SPTB: variants seen among roughly 807,000 people sequenced by gnomAD.
SPTB encodes spectrin beta, erythrocytic.
A neutral mutation model predicts 256.2 loss-of-function variants in SPTB; 45 were observed. That is an observed-to-expected ratio of 0.18 (90% CI 0.14 to 0.23). The LOEUF (loss-of-function observed/expected upper bound fraction) is 0.23, where lower values mean the gene tolerates loss of function less well. Ranked by LOEUF, SPTB falls within the 10% of genes least tolerant of loss-of-function variation. The probability of loss-of-function intolerance (pLI) is 1.00; values close to 1 mark genes in which losing one functional copy is unlikely to be tolerated. For missense variants in SPTB, 2,715 were observed against 3,040.4 expected, an observed-to-expected ratio of 0.89 and a Z score of 2.52; for synonymous variants, 1,231 against 1,243.1, an observed-to-expected ratio of 0.99 and a Z score of 0.21.
rs1882669059 is a variant in SPTB, at chr14:64,873,658, A to C, written c.-52+6134T>G. On this transcript the variant is annotated intron_variant, in intron 1 of 35. Coordinates refer to ENST00000644917, the MANE Select transcript of SPTB (RefSeq NM_001355436.2). The surrounding 1 kb of genome is among the most constrained non-coding windows in gnomAD (Gnocchi z 4.3). ...TCTTCTCTCCAGAACCAATGAACTTATGTGGAATATTCTGCTGAAGAAAAA... is the reference window on the plus strand; with the variant it reads ...TCTTCTCTCCAGAACCAATGAACTTCTGTGGAATATTCTGCTGAAGAAAAA... Among the ~76,000 whole-genome samples the C allele has an allele frequency of 6.6e-6, 1 of 152,098 alleles. No individual in the cohort carries two copies. Among genetic ancestry groups the C allele is most frequent in the Admixed American group, 6.5e-5 (1 of 15,272 alleles).
chr14:64,772,418 C>T lies in SPTB; in HGVS notation c.5553+162G>A, dbSNP rs977324991. ...AAGAATGACTTCTGAAGCTAAGGAA[C>T]ATCTGAAAGCCACTGCTCCCAGCCC... On this transcript the variant is annotated intron_variant, in intron 26 of 35. Coordinates refer to ENST00000644917, the MANE Select transcript of SPTB (RefSeq NM_001355436.2). The surrounding 1 kb of genome is among the most constrained non-coding windows in gnomAD (Gnocchi z 5.4). 2.6e-5 allele frequency among the ~76,000 whole-genome samples: 4 copies of T among 152,224 alleles called. No individual in the cohort carries two copies. The highest frequency in any genetic ancestry group is 4.8e-5 in the African/African-American group (2 of 41,466).
At chr14:64,769,447 G>A (rs2082244605) in intron 28 of SPTB, 143 bp downstream of exon 28, 2 of 1,174,560 alleles carry the variant, frequency 1.7e-6, no homozygotes, top group East Asian at 2.6e-5. Flanking sequence ...CCGGGCCTGT[G>A]TGTAGCCCCG....
intron 14 of SPTB, 85 bp from the exon 15 acceptor site, chr14:64,791,941 T>A: frequency 1.3e-6 from 2 of 1,568,278 alleles, no homozygotes; most frequent in East Asian, 4.5e-5. Context: ...CTCCAGAACA[T>A]GTAGCTCTTG....
At chr14:64,799,289 G>T (rs1302094060) in intron 9 of SPTB, among the ~76,000 whole-genome samples, 1 of 152,218 alleles carries the variant, frequency 6.6e-6, no homozygotes, top group Non-Finnish European at 1.5e-5. Context: ...AGGCTAAGTG[G>T]TCTGTTGCTG....
intron 33 of SPTB, among the ~76,000 whole-genome samples, chr14:64,752,636 T>G (rs1594737814): frequency 6.6e-6 from 1 of 152,216 alleles, no homozygotes; most frequent in African/African-American, 2.4e-5. Flanking sequence ...TGGCACATAG[T>G]AGATGCTCAG....
chr14:64,749,850 C>T lies in SPTB; in HGVS notation c.6776+131G>A. The T allele has an allele frequency of 6.7e-7, 1 of 1,494,186 alleles. No individual in the cohort carries two copies. The highest frequency in any genetic ancestry group is 9.3e-7 in the Non-Finnish European group (1 of 1,079,768). 92.6% of individuals were successfully genotyped at this position (1,494,186 alleles called of 1,614,324 possible). On this transcript the variant is annotated intron_variant, in intron 34 of 35. Coordinates refer to ENST00000644917, the MANE Select transcript of SPTB (RefSeq NM_001355436.2). The surrounding 1 kb of genome is among the most constrained non-coding windows in gnomAD (Gnocchi z 4.7). ...GAGAGGTCAAAGTCTGGACCATCAG[C>T]CTCTTTGATTTGAAAAACCCCTGAG...
In SPTB at chr14:64,795,775, T is replaced by C. The variant is rs1455115882; in HGVS notation, c.1342-136A>G. On this transcript the variant is annotated intron_variant, in intron 11 of 35. Coordinates refer to ENST00000644917, the MANE Select transcript of SPTB (RefSeq NM_001355436.2). This position sits in a 1 kb window ranked among gnomAD's most constrained non-coding sequence, Gnocchi z 6.5. The stretch of plus-strand genomic sequence containing the variant: ...TTCCCAAGAAGCAGCTAGTTCTGCC[T>C]TACTTTTGCAGCCTGTCTTATCAGA... 5.4e-6 allele frequency: 5 copies of C among 926,884 alleles called. No homozygotes were observed. The East Asian group carries it at 1.3e-4, about 24-fold the overall frequency. The allele number at this position is 926,884 out of a possible 1,614,324, so 57.4% of individuals were successfully genotyped here.
chr14:64,751,792 G>A (rs900378219), intron 33 of SPTB, among the ~76,000 whole-genome samples: 1 of 151,782 alleles, frequency 6.6e-6, no homozygotes, highest in African/African-American at 2.4e-5. Flanking sequence ...TTACAAATAG[G>A]GCTCATGTCG....
Position 64,827,918 on chromosome 14 carries a change from G to A in SPTB, c.-51-4773C>T, listed in dbSNP as rs1203250410. On this transcript the variant is annotated intron_variant, in intron 1 of 35. Transcript: ENST00000644917. This position sits in a 1 kb window ranked among gnomAD's most constrained non-coding sequence, Gnocchi z 4.6. ...GTAACGATGTGGCCCAGATAAGCAT[G>A]CCACCTATGGGTGACCTTTCCAGTC... Among the ~76,000 whole-genome samples, 1 of 152,148 alleles carries A rather than the reference G, an allele frequency of 6.6e-6. No individual in the cohort carries two copies. The highest frequency in any genetic ancestry group is 1.5e-5 in the Non-Finnish European group (1 of 68,036).
rs892046889 is a variant in SPTB at position 64,847,039 on chromosome 14, C to T, written c.-51-23894G>A. ...GTCGCCCACCCATACTGCCTCCATC[C>T]TCATGTTTCTCAACAGTCATAAAAG... On this transcript the variant is annotated intron_variant, in intron 1 of 35. Coordinates refer to ENST00000644917, the MANE Select transcript of SPTB (RefSeq NM_001355436.2). The surrounding 1 kb of genome is among the most constrained non-coding windows in gnomAD (Gnocchi z 5.9). Among the ~76,000 whole-genome samples, 6 of 152,174 alleles carry T rather than the reference C, an allele frequency of 3.9e-5. No individual in the cohort carries two copies. Among genetic ancestry groups the T allele is most frequent in the African/African-American group, 1.2e-4 (5 of 41,428 alleles).
Position 64,845,901 on chromosome 14 carries a change from A to G in SPTB, c.-51-22756T>C, listed in dbSNP as rs915047764. Reference sequence around the variant, plus strand: ...ATTTTGGGCCAATATTGACTTTCCAAAAAAAACCCGCTCTACATTTTATGC... The same window carrying G: ...ATTTTGGGCCAATATTGACTTTCCAGAAAAAACCCGCTCTACATTTTATGC... On this transcript the variant is annotated intron_variant, in intron 1 of 35. Transcript: ENST00000644917. The surrounding 1 kb of genome is among the most constrained non-coding windows in gnomAD (Gnocchi z 4.8). Among the ~76,000 whole-genome samples, 27 of 152,082 alleles carry G rather than the reference A, an allele frequency of 1.8e-4. No individual in the cohort carries two copies. The highest frequency in any genetic ancestry group is 6.5e-4 in the African/African-American group (27 of 41,362).
chr14:64,870,235 A>G (rs925713193), intron 1 of SPTB, among the ~76,000 whole-genome samples: 11 of 152,134 alleles, frequency 7.2e-5, no homozygotes, highest in Non-Finnish European at 1.5e-4. Flanking sequence ...TGTAAGTTTT[A>G]CAGAGGAATC....
intron 2 of SPTB, among the ~76,000 whole-genome samples, chr14:64,810,351 C>A (rs1594801600): frequency 6.6e-6 from 1 of 152,058 alleles, no homozygotes; most frequent in Non-Finnish European, 1.5e-5. Flanking sequence ...TCATGTGGGT[C>A]AAAAATTGAA....
Position 64,844,379 on chromosome 14 carries a change from C to T in SPTB, c.-51-21234G>A, listed in dbSNP as rs147826836. Among the ~76,000 whole-genome samples, 445 of 152,316 alleles carry T rather than the reference C, an allele frequency of 2.9e-3. 2 individuals are homozygous for T. The highest frequency in any genetic ancestry group is 9.2e-3 in the African/African-American group (383 of 41,560). ...TGTAGAATACCATCACCCCCAACAACGAAACAACCATGTTTAGTGAGTACT... is the reference window on the plus strand; with the variant it reads ...TGTAGAATACCATCACCCCCAACAATGAAACAACCATGTTTAGTGAGTACT... On this transcript the variant is annotated intron_variant, in intron 1 of 35. Coordinates refer to ENST00000644917, the MANE Select transcript of SPTB (RefSeq NM_001355436.2). This position sits in a 1 kb window ranked among gnomAD's most constrained non-coding sequence, Gnocchi z 4.1.
rs1390044347 is a variant in SPTB, at chr14:64,844,710, A to C, written c.-51-21565T>G. Among the ~76,000 whole-genome samples, 1 of 152,218 alleles carries C rather than the reference A, an allele frequency of 6.6e-6. No individual in the cohort carries two copies. The highest frequency in any genetic ancestry group is 1.5e-5 in the Non-Finnish European group (1 of 68,036). ...CATGAAGAAGAGGCTATGACTTCCC[A>C]AAAACACCTACTCTTTGCAAGTCAG... On this transcript the variant is annotated intron_variant, in intron 1 of 35. Transcript: ENST00000644917. The surrounding 1 kb of genome is among the most constrained non-coding windows in gnomAD (Gnocchi z 4.1).
chr14:64,757,648 G>C (rs929371323), intron 32 of SPTB: 2 of 149,270 alleles, frequency 1.3e-5, no homozygotes, highest in African/African-American at 2.6e-5. Context: ...CTCTCTGGGA[G>C]GGGGGAGCGG....
intron 1 of SPTB, among the ~76,000 whole-genome samples, chr14:64,874,843 A>G (rs1882732160): frequency 1.3e-5 from 2 of 152,256 alleles, no homozygotes; most frequent in African/African-American, 4.8e-5. Flanking sequence ...TAAATTGACT[A>G]TAATTCGAAG....
At chr14:64,865,331 C>T (rs1882107302) in intron 1 of SPTB, among the ~76,000 whole-genome samples, 1 of 151,564 alleles carries the variant, frequency 6.6e-6, no homozygotes. Flanking sequence ...ACAGCTTATG[C>T]AAAACAAGCA....
intron 20 of SPTB, among the ~76,000 whole-genome samples, 155 bp from the exon 21 acceptor site, chr14:64,780,086 T>A (rs1447014569): frequency 6.6e-6 from 1 of 152,162 alleles, no homozygotes; most frequent in African/African-American, 2.4e-5. Flanking sequence ...CATCTTTCCC[T>A]CTTCTGAGTG....
Sources: gnomAD v4.1 joint callset for allele counts (sites outside exome capture counted in the v4.1 genomes callset) on GRCh38, gnomAD v4.1.1 for gene constraint, Gnocchi (gnomAD v3.1) non-coding constraint, MANE v1.5 for transcripts, NCBI Gene and HGNC (gene_info 2026-07-23, HGNC 2026-07-21) for gene names.